Variants in TENM1 observed in about 807,000 individuals in gnomAD.
TENM1 encodes the protein teneurin-1.
Under a neutral mutation model 174.8 loss-of-function variants are expected in TENM1, and 35 were observed. The observed-to-expected ratio is 0.20, with a 90% confidence interval of 0.15 to 0.27. TENM1 has a LOEUF of 0.27. TENM1 is among the 10% of genes least tolerant of loss of function. The pLI, the probability that TENM1 is intolerant of heterozygous loss-of-function variation, is 1.00. For missense variants in TENM1, 1,633 were observed against 2,130.1 expected, an observed-to-expected ratio of 0.77 and a Z score of 4.59; for synonymous variants, 781 against 798.7, an observed-to-expected ratio of 0.98 and a Z score of 0.37.
intron 3 of TENM1, among the ~76,000 whole-genome samples, chrX:124,795,235 T>C (rs2055276818): frequency 8.9e-6 from 1 of 112,267 alleles, no homozygotes; most frequent in Non-Finnish European, 1.9e-5. Flanking sequence ...GTTTCAATAC[T>C]TGAAGCCTAG....
intron 2 of TENM1, among the ~76,000 whole-genome samples, chrX:124,895,224 G>A (rs1386539860): frequency 9.0e-6 from 1 of 111,513 alleles, no homozygotes; most frequent in Non-Finnish European, 1.9e-5. Flanking sequence ...TCATGGTAAT[G>A]GGGACTTATA....
chrX:125,170,476 T>C, the TENM1 span, among the ~76,000 whole-genome samples: 2 of 111,696 alleles, frequency 1.8e-5, no homozygotes, highest in African/African-American at 6.5e-5. Flanking sequence ...ATTCAGGGGT[T>C]TCCTCCCCTA....
the TENM1 span, among the ~76,000 whole-genome samples, chrX:124,974,138 G>A: frequency 9.0e-6 from 1 of 111,584 alleles, no homozygotes; most frequent in Admixed American, 9.5e-5. Context: ...AAGCATAAGA[G>A]AGCAAGAAGG....
chrX:125,203,056 C>A, the TENM1 span, among the ~76,000 whole-genome samples: 180 of 112,158 alleles, frequency 1.6e-3, no homozygotes, highest in African/African-American at 5.6e-3. Context: ...TCCTGGAGCA[C>A]CGCCTGGGTT....
intron 14 of TENM1, among the ~76,000 whole-genome samples, chrX:124,550,273 T>C (rs1273396809): frequency 9.0e-6 from 1 of 111,621 alleles, no homozygotes; most frequent in East Asian, 2.8e-4. Context: ...GGAATATGAG[T>C]GATACAGAGG....
chrX:125,073,425 C>A, the TENM1 span, among the ~76,000 whole-genome samples: 1 of 111,332 alleles, frequency 9.0e-6, no homozygotes, highest in African/African-American at 3.3e-5. Flanking sequence ...TTTCCTTGAT[C>A]TTTTATGTTT....
At chrX:124,832,548 T>C (rs1174172933) in intron 3 of TENM1, among the ~76,000 whole-genome samples, 1 of 112,001 alleles carries the variant, frequency 8.9e-6, no homozygotes, top group Non-Finnish European at 1.9e-5. Context: ...AAAAACAGTA[T>C]CTATCTCATG....
chrX:124,786,404 AAG>A (rs1451700865), intron 3 of TENM1, among the ~76,000 whole-genome samples: 1 of 112,019 alleles, frequency 8.9e-6, no homozygotes, highest in African/African-American at 3.2e-5. Context: ...TCACAAAACA[AAG>A]AGTCTCCCTT....
chrX:124,687,054 G>A (rs1263471290), intron 5 of TENM1, among the ~76,000 whole-genome samples: 4 of 111,663 alleles, frequency 3.6e-5, no homozygotes, highest in African/African-American at 1.3e-4. Context: ...AAGCTGATAA[G>A]CAACTTCAGC....
the TENM1 span, among the ~76,000 whole-genome samples, chrX:125,008,717 G>C: frequency 1.8e-5 from 2 of 112,115 alleles, no homozygotes; most frequent in Non-Finnish European, 3.8e-5. Context: ...TTAGAACTCA[G>C]GATCCAGAAA....
chrX:125,000,113 T>C, the TENM1 span, among the ~76,000 whole-genome samples: 294 of 111,909 alleles, frequency 2.6e-3, 1 homozygote, highest in African/African-American at 9.1e-3. Flanking sequence ...TTTTAAAGTG[T>C]GAGATAATAA....
chrX:125,069,986 C>T, the TENM1 span, among the ~76,000 whole-genome samples: 2 of 109,442 alleles, frequency 1.8e-5, no homozygotes, highest in African/African-American at 6.6e-5. Flanking sequence ...GCCAGGAGTT[C>T]GAGACCAGCC....
intron 15 of TENM1, among the ~76,000 whole-genome samples, chrX:124,536,361 G>GC (rs2048206430): frequency 9.0e-6 from 1 of 111,480 alleles, no homozygotes. Context: ...GTTGGTCACT[G>GC]CCCCAAATAA....
chrX:124,615,238 A>G (rs1011749768), intron 11 of TENM1, among the ~76,000 whole-genome samples: 3 of 112,337 alleles, frequency 2.7e-5, no homozygotes, highest in African/African-American at 9.7e-5. Flanking sequence ...TTCCTGTATG[A>G]AAGTGTCTTG....
At chrX:124,561,152 T>G (rs2048810267) in intron 14 of TENM1, among the ~76,000 whole-genome samples, 2 of 111,971 alleles carry the variant, frequency 1.8e-5, no homozygotes, top group South Asian at 3.7e-4. Context: ...CAAAGAAAAA[T>G]ATTTTAGCAT....
At position 124,605,675 on chromosome X, in the gene TENM1, T is replaced by TG. The variant is rs2050137800; in HGVS notation, c.2077+36115dup. The stretch of plus-strand genomic sequence containing the variant: ...GATGTTAAACTCAATGTTCTCATAA[T>TG]GAGACATTACTCATCCTTGGGATAT... On this transcript the variant is annotated intron_variant, in intron 11 of 31. Coordinates refer to ENST00000422452, the Ensembl canonical transcript of TENM1. 4.5e-5 allele frequency among the ~76,000 whole-genome samples: 5 copies of TG among 111,844 alleles called. No homozygotes were observed. In the Admixed American group the frequency reaches 4.7e-4, roughly 11 times the overall value.
chrX:125,091,637 G>A, the TENM1 span, among the ~76,000 whole-genome samples: 2 of 110,997 alleles, frequency 1.8e-5, no homozygotes, highest in African/African-American at 6.6e-5. Context: ...AGCCCAGTGT[G>A]CATTCACAAT....
chrX:125,153,228 C>G, the TENM1 span, among the ~76,000 whole-genome samples: 1 of 111,779 alleles, frequency 8.9e-6, no homozygotes, highest in Non-Finnish European at 1.9e-5. Context: ...AAATCACTTA[C>G]TTTTACCTGT....
intron 4 of TENM1, among the ~76,000 whole-genome samples, chrX:124,730,499 A>C (rs1395448440): frequency 9.0e-6 from 1 of 111,159 alleles, no homozygotes; most frequent in Non-Finnish European, 1.9e-5. Flanking sequence ...TAATGTGCCC[A>C]ATGTCACATG....
Sources: gnomAD v4.1 joint callset for allele counts (sites outside exome capture counted in the v4.1 genomes callset) on GRCh38, gnomAD v4.1.1 for gene constraint, MANE v1.5 for transcripts, NCBI Gene and HGNC (gene_info 2026-07-23, HGNC 2026-07-21) for gene names.